PXDC1: variants seen among roughly 807,000 people sequenced by gnomAD.
The protein encoded by PXDC1 is PX domain-containing protein 1.
Under a neutral mutation model 24.4 loss-of-function variants are expected in PXDC1, and 13 were observed. That is an observed-to-expected ratio of 0.53 (90% CI 0.35 to 0.85). PXDC1 has a LOEUF of 0.85. Among genes scored for constraint, PXDC1 ranks in the 40% least tolerant of loss-of-function variants. The pLI is 0.01. For missense variants in PXDC1, 344 were observed against 309.3 expected, an observed-to-expected ratio of 1.11 and a Z score of -0.84; for synonymous variants, 162 against 124.9, an observed-to-expected ratio of 1.30 and a Z score of -1.98.
At position 3,739,664 on chromosome 6, in the gene PXDC1, C is replaced by T. The variant is rs12529245; in HGVS notation, c.257-1516G>A. 0.014 allele frequency among the ~76,000 whole-genome samples: 2,065 copies of T among 152,326 alleles called. 194 individuals carry two copies. In the East Asian group the frequency reaches 0.24, roughly 18 times the overall value. On this transcript the variant is annotated intron_variant, in intron 1 of 4. Transcript: ENST00000380283. ...TCTGCCGTGTTCTCCAGCCTCGGCC[C>T]ACCTCCCCACACGCCGGGGCAAGCA...
At chr6:3,751,185 C>A (rs113900187) in intron 1 of PXDC1, 91 bp downstream of exon 1, 1 of 1,016,912 alleles carries the variant, frequency 9.8e-7, no homozygotes, top group Non-Finnish European at 1.3e-6. Flanking sequence ...AAGGAGAAGT[C>A]GCAATCTCGG....
chr6:3,746,440 A>C (rs558869050), intron 1 of PXDC1, among the ~76,000 whole-genome samples: 1 of 152,284 alleles, frequency 6.6e-6, no homozygotes, highest in African/African-American at 2.4e-5. Context: ...GGGCACCCCC[A>C]GTGCAGGGTG....
rs1368537428 is a variant in PXDC1, at chr6:3,742,243, G to A, written c.257-4095C>T. ...CCTACCTGTTGTACTCCTCCTTTGT[G>A]ACTCAAGTGCTTTGGCTTCCAAATG... On this transcript the variant is annotated intron_variant, in intron 1 of 4. Coordinates refer to ENST00000380283, the MANE Select transcript of PXDC1 (RefSeq NM_183373.4). Among the ~76,000 whole-genome samples the A allele has an allele frequency of 5.3e-5, 8 of 152,290 alleles. No homozygotes were observed. The East Asian group carries it at 1.5e-3, about 29-fold the overall frequency.
chr6:3,743,603 C>T (rs774400093), intron 1 of PXDC1, among the ~76,000 whole-genome samples: 1 of 152,220 alleles, frequency 6.6e-6, no homozygotes, highest in African/African-American at 2.4e-5. Flanking sequence ...GCAGTCAATG[C>T]TGAAGCAGCA....
Position 3,724,297 on chromosome 6 carries a change from G to T in PXDC1, c.579-561C>A, listed in dbSNP as rs1318732043. 2.6e-5 allele frequency among the ~76,000 whole-genome samples: 4 copies of T among 152,088 alleles called. No individual in the cohort carries two copies. The highest frequency in any genetic ancestry group is 9.7e-5 in the African/African-American group (4 of 41,382). On this transcript the variant is annotated intron_variant, in intron 4 of 4. Coordinates refer to ENST00000380283, the MANE Select transcript of PXDC1 (RefSeq NM_183373.4). This position sits in a 1 kb window ranked among gnomAD's most constrained non-coding sequence, Gnocchi z 4.5. The stretch of plus-strand genomic sequence containing the variant: ...GGGTACGTGTTTCATTCGCGCTCTG[G>T]CAGATGAGAAGCATCCGAACATGGG...
At chr6:3,747,601 G>A (rs1760599633) in intron 1 of PXDC1, among the ~76,000 whole-genome samples, 1 of 152,100 alleles carries the variant, frequency 6.6e-6, no homozygotes, top group Non-Finnish European at 1.5e-5. Context: ...GCACCCAATG[G>A]CATGATCCCC....
intron 3 of PXDC1, among the ~76,000 whole-genome samples, chr6:3,733,034 T>C (rs988459448): frequency 6.6e-6 from 1 of 151,726 alleles, no homozygotes; most frequent in African/African-American, 2.4e-5. Context: ...GGCTCTGGAG[T>C]GGAGGTGACA....
chr6:3,750,617 C>A (rs1290889569), intron 1 of PXDC1, among the ~76,000 whole-genome samples: 2 of 152,224 alleles, frequency 1.3e-5, no homozygotes, highest in African/African-American at 4.8e-5. Context: ...TCCCGCGAGC[C>A]AGGACGGTCA....
intron 1 of PXDC1, among the ~76,000 whole-genome samples, chr6:3,742,880 A>C (rs968151973): frequency 6.6e-6 from 1 of 152,194 alleles, no homozygotes; most frequent in Admixed American, 6.5e-5. Context: ...TTTTCTTCCT[A>C]AAGGAGTTAG....
intron 4 of PXDC1, among the ~76,000 whole-genome samples, chr6:3,726,658 TGGGCCTCG>T (rs1760075133): frequency 2.0e-5 from 3 of 152,196 alleles, no homozygotes; most frequent in Non-Finnish European, 4.4e-5. Context: ...GGCCCGGATG[TGGGCCTCG>T]GCACATGTGG....
At chr6:3,750,563 G>A (rs1760681414) in intron 1 of PXDC1, among the ~76,000 whole-genome samples, 1 of 152,198 alleles carries the variant, frequency 6.6e-6, no homozygotes, top group African/African-American at 2.4e-5. Flanking sequence ...ATCGGGCAGA[G>A]CGGTAGGAAA....
At chr6:3,732,805 A>G (rs931865778) in intron 3 of PXDC1, among the ~76,000 whole-genome samples, 4 of 152,144 alleles carry the variant, frequency 2.6e-5, no homozygotes, top group Non-Finnish European at 5.9e-5. Flanking sequence ...TCCCCAGCCT[A>G]CATCATGAGA....
intron 3 of PXDC1, among the ~76,000 whole-genome samples, chr6:3,729,777 C>A (rs1215028279): frequency 6.6e-6 from 1 of 152,180 alleles, no homozygotes; most frequent in Admixed American, 6.5e-5. Context: ...CTCAGAGCAA[C>A]CTCCATACAG....
intron 1 of PXDC1, chr6:3,738,938 C>T: frequency 5.4e-6 from 7 of 1,301,370 alleles, no homozygotes; most frequent in Non-Finnish European, 7.1e-6. Flanking sequence ...GTCTCCCCCA[C>T]ACTTGTGTGA....
chr6:3,733,245 C>T (rs1760241477), intron 3 of PXDC1, among the ~76,000 whole-genome samples: 6 of 152,120 alleles, frequency 3.9e-5, no homozygotes, highest in Admixed American at 3.9e-4. Flanking sequence ...TCAGGTGATG[C>T]CAGGACTCTC....
rs545612549 is a variant in PXDC1, at chr6:3,734,562, T to C, written c.466+2517A>G. Among the ~76,000 whole-genome samples the C allele has an allele frequency of 3.9e-4, 60 of 152,182 alleles. 2 individuals are homozygous for C. The South Asian group carries it at 0.013, about 32-fold the overall frequency. On this transcript the variant is annotated intron_variant, in intron 3 of 4. Transcript: ENST00000380283. ...GTGAGCCCTCTGAGATGAGGATCCA[T>C]AGACACCCAGCCAGGAAAAAGGACC... is the stretch of plus-strand genomic sequence containing the variant.
Position 3,723,546 on chromosome 6 carries a change from T to G in PXDC1, c.*73A>C. The stretch of plus-strand genomic sequence containing the variant: ...AGAGCTGGGGCAGCAGCTGTGACCA[T>G]GGGGGCCAGCACAGTGGACAGCATC... On this transcript the variant is annotated 3_prime_UTR_variant, in exon 5 of 5. Coordinates refer to ENST00000380283, the MANE Select transcript of PXDC1 (RefSeq NM_183373.4). 1 of 1,177,194 alleles carries G rather than the reference T, an allele frequency of 8.5e-7. No individual in the cohort carries two copies. 72.9% of individuals were successfully genotyped at this position (1,177,194 alleles called of 1,614,324 possible). A position where few individuals can be genotyped will look rare whatever the true frequency, so the allele number is the denominator to read the frequency against.
In PXDC1 at chr6:3,723,257, C is replaced by T; in HGVS notation, c.*362G>A. ...GTGGCTGGGGGGCACTAGGCCACTTCACCAAGAGGGATGCACCTCCCAGGA... is the reference window on the plus strand; with the variant it reads ...GTGGCTGGGGGGCACTAGGCCACTTTACCAAGAGGGATGCACCTCCCAGGA... On this transcript the variant is annotated 3_prime_UTR_variant, in exon 5 of 5. Transcript: ENST00000380283. 4.5e-6 allele frequency: 1 copy of T among 222,610 alleles called. No homozygotes were observed. Among genetic ancestry groups the T allele is most frequent in the Non-Finnish European group, 8.8e-6 (1 of 113,336 alleles). 13.8% of individuals were successfully genotyped at this position (222,610 alleles called of 1,614,324 possible). A position where few individuals can be genotyped will look rare whatever the true frequency, so the allele number is the denominator to read the frequency against.
chr6:3,723,458 G>A lies in PXDC1; in HGVS notation c.*161C>T. ...GCCTGGCCCACTAGGAGCCCCTGCT[G>A]CTCCACTTGCAGGACACCCAGGCCT... is the stretch of plus-strand genomic sequence containing the variant. On this transcript the variant is annotated 3_prime_UTR_variant, in exon 5 of 5. Transcript: ENST00000380283. The A allele has an allele frequency of 3.0e-6, 2 of 669,594 alleles. No individual in the cohort carries two copies. The highest frequency in any genetic ancestry group is 1.8e-5 in the South Asian group (1 of 55,916). The allele number at this position is 669,594 out of a possible 1,614,324, so 41.5% of individuals were successfully genotyped here. A position where few individuals can be genotyped will look rare whatever the true frequency, so the allele number is the denominator to read the frequency against.
Sources: gnomAD v4.1 joint callset for allele counts (sites outside exome capture counted in the v4.1 genomes callset) on GRCh38, gnomAD v4.1.1 for gene constraint, Gnocchi (gnomAD v3.1) non-coding constraint, MANE v1.5 for transcripts, NCBI Gene and HGNC (gene_info 2026-07-23, HGNC 2026-07-21) for gene names.